The following SLC25A34 variants were observed in gnomAD, a reference collection of about 807,000 sequenced individuals.
SLC25A34 encodes solute carrier family 25, member 34.
SLC25A34 carries 26 observed loss-of-function variants against 28.1 expected under a neutral mutation model. That is an observed-to-expected ratio of 0.93 (90% CI 0.68 to 1.28). The LOEUF is 1.28. Among genes scored for constraint, SLC25A34 ranks in the 50% most tolerant of loss-of-function variants. The pLI, the probability that SLC25A34 is intolerant of heterozygous loss-of-function variation, is 0.00. For synonymous variants in SLC25A34, 182 were observed against 182.2 expected, an observed-to-expected ratio of 1.00 and a Z score of 0.01; for missense variants, 384 against 409.8, an observed-to-expected ratio of 0.94 and a Z score of 0.54.
chr1:15,738,579 G>T lies in SLC25A34; in HGVS notation c.598-15G>T. On this transcript the variant is annotated splice_polypyrimidine_tract_variant and intron_variant, in intron 3 of 4. Transcript: ENST00000294454. ...AGAGCTGTTGCAGGGATCAGCACCT[G>T]TGCCATCCCCACAGTGGCTCCCTGA... The T allele has an allele frequency of 1.2e-6, 2 of 1,604,270 alleles. No individual in the cohort carries two copies. Among genetic ancestry groups the T allele is most frequent in the Non-Finnish European group, 1.7e-6 (2 of 1,176,998 alleles).
Position 15,738,230 on chromosome 1 carries a change from G to T in SLC25A34, c.582G>T (p.Trp194Cys), listed in dbSNP as rs368398687. 7.8e-5 allele frequency: 125 copies of T among 1,601,098 alleles called. No homozygotes were observed. The highest frequency in any genetic ancestry group is 1.0e-4 in the Non-Finnish European group (123 of 1,174,220). Residue 194 changes from tryptophan to cysteine, a missense_variant, in exon 3 of 5, where the codon TGG becomes TGT. By Grantham distance (215) the Trp-to-Cys change is radical. Transcript: ENST00000294454. ...CCACCTTCGCCTCTGCCAAGGCCTG[G>T]GTACAGAAGCAACAGGTGAGGAGCT... ...QLATFASAKA[W>C]VQKQQWLPED...
Position 15,739,623 on chromosome 1 carries a change from T to A in SLC25A34, c.*217T>A, listed in dbSNP as rs2068261711. ...CCACCCATTCTGTCTTCCAGACAGT[T>A]CTCTTCCTTCTCTGTACTGCGTACT... On this transcript the variant is annotated 3_prime_UTR_variant, in exon 5 of 5. Coordinates refer to ENST00000294454, the MANE Select transcript of SLC25A34 (RefSeq NM_207348.3). 1 of 478,740 alleles carries A rather than the reference T, an allele frequency of 2.1e-6. No individual in the cohort carries two copies. Among genetic ancestry groups the A allele is most frequent in the African/African-American group, 2.0e-5 (1 of 49,762 alleles). 29.7% of individuals were successfully genotyped at this position (478,740 alleles called of 1,614,324 possible).
chr1:15,736,891 C>T, intron 1 of SLC25A34, 28 bp downstream of exon 1: 1 of 1,489,994 alleles, frequency 6.7e-7, no homozygotes, highest in Non-Finnish European at 8.9e-7. Context: ...ATCGTCCACC[C>T]TCCACCATCC....
chr1:15,736,974 G>GCCCCAC, intron 1 of SLC25A34, 111 bp downstream of exon 1: 1 of 1,364,052 alleles, frequency 7.3e-7, no homozygotes, highest in Non-Finnish European at 9.6e-7. Flanking sequence ...GGGTGGGGCA[G>GCCCCAC]CCGGGGTGGG....
At position 15,736,444 on chromosome 1, in the gene SLC25A34, G is replaced by T; in HGVS notation, c.-42G>T. The T allele has an allele frequency of 1.4e-6, 2 of 1,407,894 alleles. No homozygotes were observed. The highest frequency in any genetic ancestry group is 9.2e-7 in the Non-Finnish European group (1 of 1,084,156). The allele number at this position is 1,407,894 out of a possible 1,614,324, so 87.2% of individuals were successfully genotyped here. A position where few individuals can be genotyped will look rare whatever the true frequency, so the allele number is the denominator to read the frequency against. On this transcript the variant is annotated 5_prime_UTR_variant, in exon 1 of 5. Coordinates refer to ENST00000294454, the MANE Select transcript of SLC25A34 (RefSeq NM_207348.3). ...ACGCCACCACCACAGGGCCTGTGCC[G>T]TGCCCCTGACCCGGGCACAGAAGGC...
chr1:15,736,443 C>T lies in SLC25A34; in HGVS notation c.-43C>T, dbSNP rs1388683802. 16 of 1,410,904 alleles carry T rather than the reference C, an allele frequency of 1.1e-5. No homozygotes were observed. The highest frequency in any genetic ancestry group is 2.6e-4 in the Middle Eastern group (1 of 3,784). The allele number at this position is 1,410,904 out of a possible 1,614,324, so 87.4% of individuals were successfully genotyped here. On this transcript the variant is annotated 5_prime_UTR_variant, in exon 1 of 5. Transcript: ENST00000294454. The stretch of plus-strand genomic sequence containing the variant: ...AACGCCACCACCACAGGGCCTGTGC[C>T]GTGCCCCTGACCCGGGCACAGAAGG...
In SLC25A34 at chr1:15,738,000, G is replaced by A; in HGVS notation, c.444+6G>A. On this transcript the variant is annotated splice_donor_region_variant and intron_variant, in intron 2 of 4. Transcript: ENST00000294454. ...GACACCAGCACAATCACCAGGTGAGGCCTGCCACTCTCAGAGCTCCCTGGG... is the reference window on the plus strand; with the variant it reads ...GACACCAGCACAATCACCAGGTGAGACCTGCCACTCTCAGAGCTCCCTGGG... 4 of 1,610,478 alleles carry A rather than the reference G, an allele frequency of 2.5e-6. No individual in the cohort carries two copies. The highest frequency in any genetic ancestry group is 3.4e-6 in the Non-Finnish European group (4 of 1,179,302).
intron 4 of SLC25A34, 90 bp from the exon 5 acceptor site, chr1:15,739,134 T>C: frequency 6.7e-7 from 1 of 1,481,580 alleles, no homozygotes; most frequent in Non-Finnish European, 9.2e-7. Flanking sequence ...ATAGGGTGTG[T>C]GGGGGTGAAA....
chr1:15,737,887 C>T, intron 1 of SLC25A34, 42 bp from the exon 2 acceptor site: 1 of 1,612,544 alleles, frequency 6.2e-7, no homozygotes, highest in Non-Finnish European at 8.5e-7. Context: ...CCTGGCTCTC[C>T]CAGGCTCCAT....
Position 15,738,097 on chromosome 1 carries a change from TCCTGGGTG to T in SLC25A34, c.453_460del (p.Ala153AspfsTer48), listed in dbSNP as rs1202863770. 2 of 1,608,090 alleles carry T rather than the reference TCCTGGGTG, an allele frequency of 1.2e-6. No individual in the cohort carries two copies. The highest frequency in any genetic ancestry group is 2.2e-5 in the South Asian group (2 of 90,452). On this transcript the variant is annotated frameshift_variant, in exon 3 of 5. Transcript: ENST00000294454. LOFTEE classifies it high-confidence loss of function. ...CCCCGTGCCCTCTCCCCACAGACTG[TCCTGGGTG>T]CCTTGGAGACCATCTGGCGGCAGCA...
chr1:15,737,016 G>T, intron 1 of SLC25A34, 153 bp downstream of exon 1: 1 of 1,099,544 alleles, frequency 9.1e-7, no homozygotes. Context: ...GCCCAAGCCT[G>T]GAATCTGCCC....
Position 15,737,587 on chromosome 1 carries a change from A to G in SLC25A34, c.379-342A>G, listed in dbSNP as rs866937403. On this transcript the variant is annotated intron_variant, in intron 1 of 4. Transcript: ENST00000294454. ...TCTGCCTCAAAAAAAAAAAAAGGAA[A>G]GAAAGAAAAAAAAAGCTCCCCTTGA... 7.2e-3 allele frequency among the ~76,000 whole-genome samples: 1,091 copies of G among 151,518 alleles called. 12 individuals are homozygous for G. The highest frequency in any genetic ancestry group is 0.025 in the African/African-American group (1,041 of 41,232).
Position 15,739,393 on chromosome 1 carries a change from A to T in SLC25A34, c.902A>T (p.His301Leu). The change falls in exon 5 of 5, where the codon CAC (histidine) becomes CTC (leucine). Residue 301 changes from histidine to leucine, a missense_variant. Physicochemically the swap from His to Leu is moderately conservative, Grantham distance 99. Coordinates refer to ENST00000294454, the MANE Select transcript of SLC25A34 (RefSeq NM_207348.3). ...ELRKLAGRAQ[H>L]KGT ...CGGAAACTGGCTGGGCGGGCCCAGC[A>T]CAAGGGCACCTAGACGACGGCCCTC... 5 of 1,527,524 alleles carry T rather than the reference A, an allele frequency of 3.3e-6. No individual in the cohort carries two copies. The highest frequency in any genetic ancestry group is 4.4e-6 in the Non-Finnish European group (5 of 1,137,584). The allele number at this position is 1,527,524 out of a possible 1,614,324, so 94.6% of individuals were successfully genotyped here.
chr1:15,739,299 G>GGCCTGGGCCCCGCCTACCTGC lies in SLC25A34; in HGVS notation c.820_840dup (p.Ala274_Pro280dup). On this transcript the variant is annotated inframe_insertion, in exon 5 of 5. Coordinates refer to ENST00000294454, the MANE Select transcript of SLC25A34 (RefSeq NM_207348.3). ...GGAGGGCCCCCTGGCACTCTACAAG[G>GGCCTGGGCCCCGCCTACCTGC]GCCTGGGCCCCGCCTACCTGCGCCT... The GGCCTGGGCCCCGCCTACCTGC allele has an allele frequency of 2.5e-6, 4 of 1,611,432 alleles. No homozygotes were observed. Among genetic ancestry groups the GGCCTGGGCCCCGCCTACCTGC allele is most frequent in the Non-Finnish European group, 3.4e-6 (4 of 1,179,146 alleles).
chr1:15,739,131 G>A, intron 4 of SLC25A34, 93 bp from the exon 5 acceptor site: 1 of 1,465,712 alleles, frequency 6.8e-7, no homozygotes, highest in Non-Finnish European at 9.3e-7. Context: ...TCCATAGGGT[G>A]TGTGGGGGTG....
Position 15,736,512 on chromosome 1 carries a change from C to T in SLC25A34, c.27C>T (p.Asp9=). Residue 9 remains aspartate, a synonymous_variant, in exon 1 of 5, where the codon GAC becomes GAT. Coordinates refer to ENST00000294454, the MANE Select transcript of SLC25A34 (RefSeq NM_207348.3). The part of the protein sequence containing the change: METVPPAV[D]LVLGASACCL... ...TGGAGACGGTGCCCCCAGCAGTGGACCTGGTGCTGGGTGCTTCTGCCTGCT... is the reference window on the plus strand; with the variant it reads ...TGGAGACGGTGCCCCCAGCAGTGGATCTGGTGCTGGGTGCTTCTGCCTGCT... 3 of 1,454,882 alleles carry T rather than the reference C, an allele frequency of 2.1e-6. No homozygotes were observed. Among genetic ancestry groups the T allele is most frequent in the Non-Finnish European group, 2.7e-6 (3 of 1,104,658 alleles). 90.1% of individuals were successfully genotyped at this position (1,454,882 alleles called of 1,614,324 possible).
chr1:15,739,799 C>A lies in SLC25A34; in HGVS notation c.*393C>A. The A allele has an allele frequency of 6.3e-6, 1 of 158,736 alleles. No homozygotes were observed. Among genetic ancestry groups the A allele is most frequent in the Non-Finnish European group, 1.3e-5 (1 of 75,040 alleles). 9.8% of individuals were successfully genotyped at this position (158,736 alleles called of 1,614,324 possible). On this transcript the variant is annotated 3_prime_UTR_variant, in exon 5 of 5. Transcript: ENST00000294454. ...TTTACTTCTTTTACCATTAGAAAGCCAAGGCCTAGAGTGGTGGGCTTTGAC... is the reference window on the plus strand; with the variant it reads ...TTTACTTCTTTTACCATTAGAAAGCAAAGGCCTAGAGTGGTGGGCTTTGAC...
Position 15,740,268 on chromosome 1 carries a change from C to A in SLC25A34, c.*862C>A, listed in dbSNP as rs1333157740. The stretch of plus-strand genomic sequence containing the variant: ...GTTGGCTTAGGGCCCACCCTCATGA[C>A]CCCACTTTAATTTTTTTTTTTTTTT... On this transcript the variant is annotated 3_prime_UTR_variant, in exon 5 of 5. Coordinates refer to ENST00000294454, the MANE Select transcript of SLC25A34 (RefSeq NM_207348.3). The A allele has an allele frequency of 6.6e-6, 1 of 150,990 alleles. No individual in the cohort carries two copies. Among genetic ancestry groups the A allele is most frequent in the African/African-American group, 2.5e-5 (1 of 40,544 alleles). The allele number at this position is 150,990 out of a possible 1,614,324, so 9.4% of individuals were successfully genotyped here.
Position 15,738,087 on chromosome 1 carries a change from C to G in SLC25A34, c.445-6C>G. ...TGGCCAGTGACCCCGTGCCCTCTCC[C>G]CACAGACTGTCCTGGGTGCCTTGGA... On this transcript the variant is annotated splice_polypyrimidine_tract_variant and splice_region_variant and intron_variant, in intron 2 of 4. Coordinates refer to ENST00000294454, the MANE Select transcript of SLC25A34 (RefSeq NM_207348.3). 1 of 1,610,098 alleles carries G rather than the reference C, an allele frequency of 6.2e-7. No individual in the cohort carries two copies. Among genetic ancestry groups the G allele is most frequent in the South Asian group, 1.1e-5 (1 of 90,554 alleles).
Sources: allele counts gnomAD v4.1 joint callset (sites outside exome capture counted in the v4.1 genomes callset), GRCh38; gene constraint gnomAD v4.1.1; transcripts MANE v1.5; gene names NCBI Gene and HGNC (gene_info 2026-07-23, HGNC 2026-07-21).